Variants in APBA2 observed in about 807,000 individuals in gnomAD.
APBA2 encodes amyloid-beta A4 precursor protein-binding family A member 2.
APBA2 carries 30 observed loss-of-function variants against 75.0 expected under a neutral mutation model. The observed-to-expected ratio is 0.40, with a 90% confidence interval of 0.30 to 0.54. The LOEUF (loss-of-function observed/expected upper bound fraction) is 0.54. Ranked by LOEUF, APBA2 falls within the 20% of genes least tolerant of loss-of-function variation. The pLI is 0.49. For missense variants in APBA2, 801 were observed against 1,016.1 expected, an observed-to-expected ratio of 0.79 and a Z score of 2.88; for synonymous variants, 444 against 409.6, an observed-to-expected ratio of 1.08 and a Z score of -1.01.
chr15:29,054,648 A>T lies in APBA2; in HGVS notation c.764A>T (p.Glu255Val), dbSNP rs1186094661. The part of the protein sequence containing the change: ...ASEASPEHGP[E>V]PGPEDSVEAC... ...GAGGCCAGCCCCGAGCATGGGCCTG[A>T]GCCAGGGCCTGAGGACTCTGTAGAG... Residue 255 changes from glutamate to valine, a missense_variant, in exon 4 of 15, where the codon GAG (glutamate) becomes GTG (valine). Glu to Val is a moderately radical substitution (Grantham distance 121, BLOSUM62 -2). Transcript: ENST00000683413. This position sits in a 1 kb window ranked among gnomAD's most constrained non-coding sequence, Gnocchi z 6.1. 2.5e-6 allele frequency: 4 copies of T among 1,614,026 alleles called. No homozygotes were observed. Among genetic ancestry groups the T allele is most frequent in the Non-Finnish European group, 2.5e-6 (3 of 1,180,032 alleles).
At chr15:29,103,037 A>T (rs1204218330) in intron 10 of APBA2, among the ~76,000 whole-genome samples, 2 of 152,180 alleles carry the variant, frequency 1.3e-5, no homozygotes, top group African/African-American at 2.4e-5. Context: ...CATTCCTTCC[A>T]CCGCTACACG....
chr15:28,894,797 C>T (rs36163324), intron 1 of APBA2, among the ~76,000 whole-genome samples: 30,501 of 150,914 alleles, frequency 0.2, 3,148 homozygotes, highest in Middle Eastern at 0.27. Context: ...GGGAGAAGGA[C>T]GCCGTTAGGG....
chr15:28,944,790 G>A (rs1179485478), intron 2 of APBA2, among the ~76,000 whole-genome samples: 1 of 152,228 alleles, frequency 6.6e-6, no homozygotes, highest in Non-Finnish European at 1.5e-5. Flanking sequence ...GTGGTTGCCC[G>A]ATGCTCCTTT....
rs143800332 is a variant in APBA2 at position 29,068,769 on chromosome 15, T to A, written c.952-6152T>A. Among the ~76,000 whole-genome samples the A allele has an allele frequency of 1.0e-3, 156 of 152,330 alleles. 6 individuals carry two copies. In the East Asian group the frequency reaches 0.022, roughly 22 times the overall value. ...AGTACAAGCTGGCGGATGACCTCCG[T>A]AGAGCTTAGGTGAAGGGGCTCTCAC... On this transcript the variant is annotated intron_variant, in intron 4 of 14. Coordinates refer to ENST00000683413, the MANE Select transcript of APBA2 (RefSeq NM_001353788.2).
intron 2 of APBA2, among the ~76,000 whole-genome samples, chr15:28,988,367 G>C (rs922799995): frequency 2.0e-5 from 3 of 151,536 alleles, no homozygotes; most frequent in Non-Finnish European, 2.9e-5. Flanking sequence ...GGGTTCAAGC[G>C]ATTCTCCTAC....
At chr15:28,898,193 C>T (rs377492251) in intron 1 of APBA2, among the ~76,000 whole-genome samples, 2 of 152,184 alleles carry the variant, frequency 1.3e-5, no homozygotes, top group Middle Eastern at 3.4e-3. Flanking sequence ...TCCAGAACTG[C>T]GAGAGAAGAA....
chr15:29,049,190 A>C (rs916868069), intron 3 of APBA2, among the ~76,000 whole-genome samples: 6 of 152,226 alleles, frequency 3.9e-5, no homozygotes, highest in African/African-American at 1.4e-4. Context: ...ACTGATGCCT[A>C]GTTCCTATCT....
intron 10 of APBA2, among the ~76,000 whole-genome samples, chr15:29,103,023 C>G (rs975241870): frequency 6.6e-6 from 1 of 152,244 alleles, no homozygotes; most frequent in African/African-American, 2.4e-5. Flanking sequence ...ACAGCGCACT[C>G]ACACATTCCT....
At chr15:28,954,590 G>A (rs969115190) in intron 2 of APBA2, among the ~76,000 whole-genome samples, 23 of 152,198 alleles carry the variant, frequency 1.5e-4, no homozygotes, top group Non-Finnish European at 3.1e-4. Flanking sequence ...ATTGTTGTCT[G>A]TGCCACTCCA....
intron 2 of APBA2, among the ~76,000 whole-genome samples, chr15:28,935,113 C>T (rs562406961): frequency 3.3e-5 from 5 of 152,284 alleles, no homozygotes; most frequent in Middle Eastern, 3.4e-3. Context: ...TGAACTGGAA[C>T]GAGGAGAGAC....
chr15:28,912,087 A>C (rs1188602042), intron 1 of APBA2, among the ~76,000 whole-genome samples: 1 of 152,212 alleles, frequency 6.6e-6, no homozygotes, highest in Admixed American at 6.5e-5. Context: ...GTTCCCTCTA[A>C]TAGCATACGT....
intron 4 of APBA2, among the ~76,000 whole-genome samples, chr15:29,073,657 A>G (rs764426808): frequency 3.9e-5 from 6 of 152,170 alleles, no homozygotes; most frequent in Non-Finnish European, 7.4e-5. Flanking sequence ...CAGCTGGTAA[A>G]TGTAACTTTT....
At chr15:28,926,600 A>G (rs2034273660) in intron 2 of APBA2, among the ~76,000 whole-genome samples, 1 of 152,132 alleles carries the variant, frequency 6.6e-6, no homozygotes, top group Non-Finnish European at 1.5e-5. Context: ...TTTCACTGTC[A>G]TTTATTCCTT....
intron 6 of APBA2, among the ~76,000 whole-genome samples, chr15:29,080,366 A>G (rs903977703): frequency 1.3e-5 from 2 of 152,054 alleles, no homozygotes; most frequent in East Asian, 1.9e-4. Flanking sequence ...CTTCACTTAG[A>G]GAAGACCTAC....
intron 14 of APBA2, among the ~76,000 whole-genome samples, chr15:29,114,919 A>T (rs919532950): frequency 7.5e-6 from 1 of 133,280 alleles, no homozygotes; most frequent in Non-Finnish European, 1.5e-5. Flanking sequence ...GGTGTCAAGC[A>T]TGAGTGTGTA....
chr15:28,914,205 A>G (rs1282498858), intron 1 of APBA2, among the ~76,000 whole-genome samples: 2 of 152,256 alleles, frequency 1.3e-5, no homozygotes, highest in Middle Eastern at 3.4e-3. Flanking sequence ...GGGAGTGGTC[A>G]GGCTCCCCCT....
intron 2 of APBA2, chr15:28,977,374 A>G (rs1423195225): frequency 6.6e-6 from 1 of 152,184 alleles, no homozygotes; most frequent in Non-Finnish European, 1.5e-5. Flanking sequence ...TTAGGCTTCA[A>G]CCTCTGAATT....
rs751007810 is a variant in APBA2, at chr15:29,106,736, C to T, written c.1834C>T (p.Leu612=). ...CGGCCCGGCTGCCCGCTCGGGGAAG[C>T]TGAGCATCGGGGACCAGATCATGTC... ...NGGPAARSGK[L]SIGDQIMSIN... Residue 612 remains leucine, a synonymous_variant, in exon 12 of 15, where the codon CTG becomes TTG. Coordinates refer to ENST00000683413, the MANE Select transcript of APBA2 (RefSeq NM_001353788.2). The T allele has an allele frequency of 2.2e-5, 35 of 1,613,058 alleles. No homozygotes were observed. Among genetic ancestry groups the T allele is most frequent in the Non-Finnish European group, 2.9e-5 (34 of 1,180,018 alleles).
intron 3 of APBA2, among the ~76,000 whole-genome samples, chr15:29,041,445 T>G (rs999911800): frequency 1.3e-5 from 2 of 150,902 alleles, no homozygotes; most frequent in African/African-American, 4.9e-5. Context: ...TTTGTGCCAC[T>G]TTACTCCAGC....
Sources: gnomAD v4.1 joint callset for allele counts (sites outside exome capture counted in the v4.1 genomes callset) on GRCh38, gnomAD v4.1.1 for gene constraint, Gnocchi (gnomAD v3.1) non-coding constraint, MANE v1.5 for transcripts, NCBI Gene and HGNC (gene_info 2026-07-23, HGNC 2026-07-21) for gene names.